The following NRXN3 variants were observed in gnomAD, a reference collection of about 807,000 sequenced individuals.
NRXN3 encodes the protein neurexin 3, also known as neurexin III.
In NRXN3, 32 loss-of-function variants were observed where a neutral mutation model predicts 137.6. That is an observed-to-expected ratio of 0.23 (90% CI 0.18 to 0.31). The LOEUF (loss-of-function observed/expected upper bound fraction) is 0.31, where lower values mean the gene tolerates loss of function less well. NRXN3 is among the 10% of genes least tolerant of loss of function. The pLI is 1.00. For synonymous variants in NRXN3, 798 were observed against 784.5 expected, an observed-to-expected ratio of 1.02 and a Z score of -0.29; for missense variants, 1,574 against 2,062.5, an observed-to-expected ratio of 0.76 and a Z score of 4.59.
chr14:78,819,490 CATAAT>C (rs2098944402), intron 10 of NRXN3, among the ~76,000 whole-genome samples: 1 of 152,046 alleles, frequency 6.6e-6, no homozygotes, highest in Non-Finnish European at 1.5e-5. Flanking sequence ...TTTATATGCA[CATAAT>C]ATAAGACACC....
chr14:79,856,618 C>CTTT (rs34929411), intron 20 of NRXN3, among the ~76,000 whole-genome samples: 4 of 143,528 alleles, frequency 2.8e-5, no homozygotes, highest in Non-Finnish European at 6.1e-5. Context: ...TTTTTTTGTT[C>CTTT]TTTTTTTTTT....
chr14:78,945,459 A>G (rs2099363291), intron 10 of NRXN3, among the ~76,000 whole-genome samples: 1 of 152,112 alleles, frequency 6.6e-6, no homozygotes, highest in Admixed American at 6.6e-5. Context: ...GCCTGTGGAA[A>G]ATATTTCACT....
chr14:78,286,018 G>A (rs1378155141), intron 3 of NRXN3, among the ~76,000 whole-genome samples: 1 of 152,214 alleles, frequency 6.6e-6, no homozygotes, highest in Admixed American at 6.5e-5. Context: ...GGCTCACTCA[G>A]GGATGCAGAT....
At position 79,862,948 on chromosome 14, in the gene NRXN3, A is replaced by G. The variant is rs2099415711; in HGVS notation, c.*984A>G. 1 of 152,480 alleles carries G rather than the reference A, an allele frequency of 6.6e-6. No individual in the cohort carries two copies. The highest frequency in any genetic ancestry group is 2.4e-5 in the African/African-American group (1 of 41,446). The allele number at this position is 152,480 out of a possible 1,614,324, so 9.4% of individuals were successfully genotyped here. A position where few individuals can be genotyped will look rare whatever the true frequency, so the allele number is the denominator to read the frequency against. On this transcript the variant is annotated 3_prime_UTR_variant, in exon 21 of 21. Coordinates refer to ENST00000335750, the MANE Select transcript of NRXN3 (RefSeq NM_001330195.2). ...TTAAAGAGGAAAGCCCCACAAACTAAAACAGCCTTTCCTAGGGAAGAGGAA... is the reference window on the plus strand; with the variant it reads ...TTAAAGAGGAAAGCCCCACAAACTAGAACAGCCTTTCCTAGGGAAGAGGAA...
intron 4 of NRXN3, among the ~76,000 whole-genome samples, chr14:78,577,760 C>T (rs1369364388): frequency 1.3e-5 from 2 of 152,154 alleles, no homozygotes; most frequent in African/African-American, 2.4e-5. Flanking sequence ...ATGTTGCGTA[C>T]AGAAACTGAG....
intron 15 of NRXN3, among the ~76,000 whole-genome samples, chr14:79,319,604 G>T (rs1473106799): frequency 6.6e-6 from 1 of 152,244 alleles, no homozygotes; most frequent in Non-Finnish European, 1.5e-5. Flanking sequence ...TAGGAAGACA[G>T]AGTGAAAAGG....
At chr14:79,270,823 A>T (rs2079185032) in intron 15 of NRXN3, among the ~76,000 whole-genome samples, 1 of 152,176 alleles carries the variant, frequency 6.6e-6, no homozygotes, top group Non-Finnish European at 1.5e-5. Context: ...TCTACCTATG[A>T]CATAAACTTA....
At chr14:79,347,399 T>A (rs2092941006) in intron 15 of NRXN3, among the ~76,000 whole-genome samples, 1 of 152,008 alleles carries the variant, frequency 6.6e-6, no homozygotes, top group Non-Finnish European at 1.5e-5. Context: ...TTATCTGAAA[T>A]GATTTTTAGA....
chr14:79,498,929 C>T (rs2096792870), intron 16 of NRXN3, among the ~76,000 whole-genome samples: 1 of 152,152 alleles, frequency 6.6e-6, no homozygotes, highest in East Asian at 1.9e-4. Context: ...GGACTACAGG[C>T]ACACACCATT....
At chr14:78,542,048 G>T (rs151277642) in intron 4 of NRXN3, among the ~76,000 whole-genome samples, 1 of 152,196 alleles carries the variant, frequency 6.6e-6, no homozygotes, top group Non-Finnish European at 1.5e-5. Context: ...TGGAAGCTTC[G>T]TTCCAGAGGG....
At chr14:79,016,051 C>T (rs1220880665) in intron 15 of NRXN3, among the ~76,000 whole-genome samples, 1 of 152,152 alleles carries the variant, frequency 6.6e-6, no homozygotes, top group Non-Finnish European at 1.5e-5. Context: ...TCTTTCCCTT[C>T]TCACCTTGTC....
At chr14:78,930,750 C>T (rs2099319278) in intron 10 of NRXN3, among the ~76,000 whole-genome samples, 1 of 152,196 alleles carries the variant, frequency 6.6e-6, no homozygotes. Context: ...AACTTTCTTT[C>T]CCCAAGGTTG....
intron 20 of NRXN3, among the ~76,000 whole-genome samples, chr14:79,811,271 G>C (rs1197759333): frequency 1.3e-5 from 2 of 152,160 alleles, no homozygotes; most frequent in African/African-American, 4.8e-5. Flanking sequence ...AATAATCTAA[G>C]ATAAGCATTT....
chr14:78,668,750 C>A lies in NRXN3; in HGVS notation c.1221+17424C>A, dbSNP rs182754279. ...GACTATCAAACTGTCATTGAGCATG[C>A]GAGCAGTCATAGATACTGTATAAAC... On this transcript the variant is annotated intron_variant, in intron 6 of 20. Coordinates refer to ENST00000335750, the MANE Select transcript of NRXN3 (RefSeq NM_001330195.2). Among the ~76,000 whole-genome samples, 44 of 152,204 alleles carry A rather than the reference C, an allele frequency of 2.9e-4. No individual in the cohort carries two copies. In the East Asian group the frequency reaches 8.1e-3, roughly 28 times the overall value.
At chr14:78,353,819 A>G (rs1027929801) in intron 4 of NRXN3, among the ~76,000 whole-genome samples, 3 of 152,168 alleles carry the variant, frequency 2.0e-5, no homozygotes, top group African/African-American at 7.2e-5. Context: ...GTAAGGGGAT[A>G]AAATAAAACT....
At chr14:79,840,970 A>G (rs963195663) in intron 20 of NRXN3, among the ~76,000 whole-genome samples, 1 of 152,170 alleles carries the variant, frequency 6.6e-6, no homozygotes, top group African/African-American at 2.4e-5. Flanking sequence ...ATGACTGGAA[A>G]ATTTCTCAAA....
intron 15 of NRXN3, among the ~76,000 whole-genome samples, chr14:79,381,249 C>G (rs2094462427): frequency 6.9e-6 from 1 of 145,348 alleles, no homozygotes; most frequent in South Asian, 2.2e-4. Context: ...CTTCAGAATT[C>G]TTAATATGAT....
intron 19 of NRXN3, among the ~76,000 whole-genome samples, chr14:79,776,960 T>C (rs1836586088): frequency 6.6e-6 from 1 of 152,136 alleles, no homozygotes; most frequent in African/African-American, 2.4e-5. Context: ...AGGCAGGCAA[T>C]TACATTTTTG....
rs546345317 is a variant in NRXN3, at chr14:78,949,134, A to T, written c.2276-8108A>T. 1.8e-4 allele frequency among the ~76,000 whole-genome samples: 28 copies of T among 152,294 alleles called. No homozygotes were observed. The East Asian group carries it at 3.9e-3, about 21-fold the overall frequency. ...TTTCTGGCCAGGAAGAATATATATT[A>T]AAAGGAAAAGTAGTGACTTCATTTA... On this transcript the variant is annotated intron_variant, in intron 10 of 20. Coordinates refer to ENST00000335750, the MANE Select transcript of NRXN3 (RefSeq NM_001330195.2).
Sources: gnomAD v4.1 joint callset for allele counts (sites outside exome capture counted in the v4.1 genomes callset) on GRCh38, gnomAD v4.1.1 for gene constraint, MANE v1.5 for transcripts, NCBI Gene and HGNC (gene_info 2026-07-23, HGNC 2026-07-21) for gene names.